Variants in GPC6 observed in about 807,000 individuals in gnomAD.
GPC6 encodes the protein glypican-6.
Under a neutral mutation model 55.2 loss-of-function variants are expected in GPC6, and 14 were observed. The ratio of observed to expected loss-of-function variants is 0.25; its 90% confidence interval spans 0.17 to 0.40. The LOEUF (loss-of-function observed/expected upper bound fraction) is 0.40, where lower values mean the gene tolerates loss of function less well. GPC6 is among the 10% of genes least tolerant of loss of function. The pLI is 1.00. For missense variants in GPC6, 641 were observed against 708.5 expected, an observed-to-expected ratio of 0.90 and a Z score of 1.08; for synonymous variants, 278 against 259.6, an observed-to-expected ratio of 1.07 and a Z score of -0.68.
intron 5 of GPC6, among the ~76,000 whole-genome samples, chr13:94,287,903 A>G (rs907611420): frequency 3.3e-5 from 5 of 152,202 alleles, no homozygotes; most frequent in Non-Finnish European, 7.3e-5. Flanking sequence ...GGACAAAATT[A>G]TCTGCAGTTT....
At chr13:94,143,897 A>G (rs925850599) in intron 4 of GPC6, among the ~76,000 whole-genome samples, 4 of 152,182 alleles carry the variant, frequency 2.6e-5, no homozygotes, top group African/African-American at 9.7e-5. Flanking sequence ...AAAAATTAAT[A>G]AATAAATAAA....
At chr13:94,213,737 A>T (rs1890150679) in intron 4 of GPC6, among the ~76,000 whole-genome samples, 1 of 152,142 alleles carries the variant, frequency 6.6e-6, no homozygotes, top group Non-Finnish European at 1.5e-5. Flanking sequence ...CACATTTGGA[A>T]TTGGATGACA....
chr13:94,374,096 G>A (rs577041070), intron 6 of GPC6, among the ~76,000 whole-genome samples: 1 of 152,114 alleles, frequency 6.6e-6, no homozygotes, highest in East Asian at 1.9e-4. Flanking sequence ...ACCGATACCA[G>A]CCACTGCAAA....
At chr13:93,799,986 A>G (rs540214649) in intron 2 of GPC6, among the ~76,000 whole-genome samples, 1 of 150,802 alleles carries the variant, frequency 6.6e-6, no homozygotes, top group South Asian at 2.1e-4. Flanking sequence ...AACAAGACAG[A>G]CATCATCCTT....
At chr13:93,730,770 A>C (rs189423076) in intron 2 of GPC6, among the ~76,000 whole-genome samples, 16 of 152,306 alleles carry the variant, frequency 1.1e-4, no homozygotes, top group Admixed American at 2.0e-4. Context: ...AGAGGGAGTA[A>C]AACCATTTCT....
intron 2 of GPC6, among the ~76,000 whole-genome samples, chr13:93,759,661 A>G (rs1280863788): frequency 1.3e-5 from 2 of 152,150 alleles, no homozygotes; most frequent in African/African-American, 4.8e-5. Context: ...ATGTGAACCT[A>G]ATATTTTCCT....
intron 2 of GPC6, among the ~76,000 whole-genome samples, chr13:93,704,460 C>T (rs1324159005): frequency 6.6e-6 from 1 of 151,726 alleles, no homozygotes; most frequent in African/African-American, 2.4e-5. Flanking sequence ...CTCTCAATAA[C>T]CTTCATTTTT....
intron 4 of GPC6, among the ~76,000 whole-genome samples, chr13:94,086,709 A>G (rs915794110): frequency 1.6e-4 from 17 of 105,600 alleles, no homozygotes; most frequent in Middle Eastern, 4.5e-3. Flanking sequence ...TTGATTGTAA[A>G]TCAGATAACT....
intron 3 of GPC6, among the ~76,000 whole-genome samples, chr13:93,898,771 T>C (rs568015533): frequency 1.1e-4 from 16 of 151,750 alleles, no homozygotes; most frequent in Admixed American, 8.6e-4. Context: ...AAGAGTGGGA[T>C]TAGGCAGGAC....
At chr13:93,677,108 G>A (rs1260271924) in intron 2 of GPC6, among the ~76,000 whole-genome samples, 2 of 152,110 alleles carry the variant, frequency 1.3e-5, no homozygotes, top group African/African-American at 4.8e-5. Context: ...AAGCTGTTGT[G>A]ATATTCTAGG....
intron 4 of GPC6, among the ~76,000 whole-genome samples, chr13:94,130,389 A>G (rs1423597578): frequency 6.6e-6 from 1 of 152,156 alleles, no homozygotes; most frequent in Non-Finnish European, 1.5e-5. Context: ...AAAGGGAAAT[A>G]AATCATAATT....
intron 1 of GPC6, among the ~76,000 whole-genome samples, chr13:93,397,497 G>A (rs1875904071): frequency 6.6e-6 from 1 of 152,080 alleles, no homozygotes; most frequent in African/African-American, 2.4e-5. Flanking sequence ...TTGAAACAGG[G>A]TTGTTTACTT....
intron 4 of GPC6, among the ~76,000 whole-genome samples, chr13:94,138,354 C>T (rs548890051): frequency 4.6e-5 from 7 of 152,196 alleles, no homozygotes; most frequent in Non-Finnish European, 1.0e-4. Flanking sequence ...AGCCCTTGTA[C>T]CAGATTGCTG....
intron 3 of GPC6, among the ~76,000 whole-genome samples, chr13:93,909,326 G>A (rs1005455170): frequency 1.3e-5 from 2 of 152,174 alleles, no homozygotes; most frequent in Middle Eastern, 3.4e-3. Flanking sequence ...GTTTAGCCAG[G>A]ATGAGTTATA....
chr13:93,470,853 A>G (rs1280020658), intron 1 of GPC6, among the ~76,000 whole-genome samples: 1 of 152,076 alleles, frequency 6.6e-6, no homozygotes. Context: ...TTTCATCATC[A>G]GTCATTTTTG....
chr13:93,700,266 G>A (rs899111996), intron 2 of GPC6, among the ~76,000 whole-genome samples: 1 of 152,044 alleles, frequency 6.6e-6, no homozygotes, highest in Admixed American at 6.6e-5. Context: ...CACTATGACT[G>A]CATCACTTAC....
chr13:94,212,701 A>C (rs1023725691), intron 4 of GPC6, among the ~76,000 whole-genome samples: 1 of 152,204 alleles, frequency 6.6e-6, no homozygotes, highest in African/African-American at 2.4e-5. Context: ...GAAGCCCTTC[A>C]AGTAATCATA....
chr13:94,161,385 T>C (rs1273455020), intron 4 of GPC6, among the ~76,000 whole-genome samples: 1 of 152,238 alleles, frequency 6.6e-6, no homozygotes, highest in Non-Finnish European at 1.5e-5. Context: ...TAGATTGGCA[T>C]ATGTCCTTGG....
intron 4 of GPC6, among the ~76,000 whole-genome samples, chr13:94,108,419 A>G (rs1164951512): frequency 6.6e-6 from 1 of 152,128 alleles, no homozygotes; most frequent in African/African-American, 2.4e-5. Context: ...AAGATTACCA[A>G]TTACGTTCTT....
Sources: gnomAD v4.1 joint callset for allele counts (sites outside exome capture counted in the v4.1 genomes callset) on GRCh38, gnomAD v4.1.1 for gene constraint, MANE v1.5 for transcripts, NCBI Gene and HGNC (gene_info 2026-07-23, HGNC 2026-07-21) for gene names.